ANPEP: variants seen among roughly 807,000 people sequenced by gnomAD.
ANPEP encodes aminopeptidase N.
In ANPEP, 70 loss-of-function variants were observed where a neutral mutation model predicts 114.6. The ratio of observed to expected loss-of-function variants is 0.61; its 90% CI spans 0.50 to 0.75. The LOEUF is 0.75. ANPEP is among the 30% of genes least tolerant of loss of function. The probability of loss-of-function intolerance (pLI) is 0.00; values close to 1 mark genes in which losing one functional copy is unlikely to be tolerated. For synonymous variants in ANPEP, 548 were observed against 522.3 expected, an observed-to-expected ratio of 1.05 and a Z score of -0.67; for missense variants, 1,184 against 1,259.5, an observed-to-expected ratio of 0.94 and a Z score of 0.91.
chr15:89,811,079 G>A (rs372109917), intron 1 of ANPEP, among the ~76,000 whole-genome samples: 33 of 152,204 alleles, frequency 2.2e-4, no homozygotes, highest in African/African-American at 6.5e-4. Context: ...AGGGCAACAC[G>A]TGCTTGTGGA....
chr15:89,810,923 C>G (rs1351834095), intron 1 of ANPEP, among the ~76,000 whole-genome samples: 4 of 152,262 alleles, frequency 2.6e-5, no homozygotes, highest in Non-Finnish European at 5.9e-5. Flanking sequence ...ATCCTTGGGC[C>G]TGGAAAGCTT....
At chr15:89,789,582 G>A (rs1174072900) in intron 20 of ANPEP, among the ~76,000 whole-genome samples, 1 of 151,468 alleles carries the variant, frequency 6.6e-6, no homozygotes, top group African/African-American at 2.4e-5. Flanking sequence ...AGACCAGCCT[G>A]GCCAACATGG....
chr15:89,797,912 G>C (rs1284832071), intron 14 of ANPEP, among the ~76,000 whole-genome samples, 190 bp from the exon 15 acceptor site: 1 of 152,238 alleles, frequency 6.6e-6, no homozygotes, highest in Non-Finnish European at 1.5e-5. Context: ...CTACATGGCT[G>C]CTGGGTGGTG....
chr15:89,801,196 A>G lies in ANPEP; in HGVS notation c.1743-9T>C. On this transcript the variant is annotated splice_polypyrimidine_tract_variant and intron_variant, in intron 11 of 20. Coordinates refer to ENST00000300060, the MANE Select transcript of ANPEP (RefSeq NM_001150.3). ...GCACAATCCACACGTAGCTGCAATT[A>G]AAGATCCAGAGGTGGTGAGAGATGG... 6.2e-7 allele frequency: 1 copy of G among 1,613,992 alleles called. No individual in the cohort carries two copies. Among genetic ancestry groups the G allele is most frequent in the East Asian group, 2.2e-5 (1 of 44,874 alleles).
intron 6 of ANPEP, 24 bp downstream of exon 6, chr15:89,804,229 G>T (rs772990175): frequency 8.1e-6 from 13 of 1,613,254 alleles, no homozygotes; most frequent in Non-Finnish European, 1.0e-5. Flanking sequence ...TTCCTTCTCC[G>T]CACTCCCCGA....
chr15:89,790,546 A>AGGGAGGGAGAGAGGTGAACT lies in ANPEP; in HGVS notation c.2670-25_2670-6dup. On this transcript the variant is annotated splice_region_variant and splice_polypyrimidine_tract_variant and intron_variant, in intron 19 of 20. Coordinates refer to ENST00000300060, the MANE Select transcript of ANPEP (RefSeq NM_001150.3). ...GAGAACGAGCCACCACCATAACTGC[A>AGGGAGGGAGAGAGGTGAACT]GGGAGGGAGAGAGGTGAACTGTGAG... is the stretch of plus-strand genomic sequence containing the variant. 1 of 1,612,952 alleles carries AGGGAGGGAGAGAGGTGAACT rather than the reference A, an allele frequency of 6.2e-7. No homozygotes were observed. Among genetic ancestry groups the AGGGAGGGAGAGAGGTGAACT allele is most frequent in the Non-Finnish European group, 8.5e-7 (1 of 1,179,044 alleles).
Position 89,805,318 on chromosome 15 carries a change from C to T in ANPEP, c.757+3G>A, listed in dbSNP as rs767089576. On this transcript the variant is annotated splice_donor_region_variant and intron_variant, in intron 3 of 20. Transcript: ENST00000300060. ...CCTGTGGCCGCAGGCAGGGCCCACT[C>T]ACCTTTGGGAAGCATGTTGGACAGG... 6.2e-7 allele frequency: 1 copy of T among 1,613,526 alleles called. No individual in the cohort carries two copies. Among genetic ancestry groups the T allele is most frequent in the East Asian group, 2.2e-5 (1 of 44,858 alleles).
intron 1 of ANPEP, among the ~76,000 whole-genome samples, 153 bp downstream of exon 1, chr15:89,814,619 G>T (rs1894875444): frequency 6.6e-6 from 1 of 152,172 alleles, no homozygotes; most frequent in Non-Finnish European, 1.5e-5. Flanking sequence ...CTGGCCCTCA[G>T]TTTACCCATC....
In ANPEP at chr15:89,803,161, C is replaced by A. The variant is rs368401756; in HGVS notation, c.1569+78G>T. 6 of 1,494,288 alleles carry A rather than the reference C, an allele frequency of 4.0e-6. No individual in the cohort carries two copies. The highest frequency in any genetic ancestry group is 5.6e-6 in the Non-Finnish European group (6 of 1,071,714). The allele number at this position is 1,494,288 out of a possible 1,614,324, so 92.6% of individuals were successfully genotyped here. A position where few individuals can be genotyped will look rare whatever the true frequency, so the allele number is the denominator to read the frequency against. Reference sequence around the variant, plus strand: ...CCGCGGAGCTGGACCCATTCTCTTACGCATGTGCTGCCCCCAGGTACCTTC... The same window carrying A: ...CCGCGGAGCTGGACCCATTCTCTTAAGCATGTGCTGCCCCCAGGTACCTTC... On this transcript the variant is annotated intron_variant, in intron 10 of 20. Transcript: ENST00000300060. This position sits in a 1 kb window ranked among gnomAD's most constrained non-coding sequence, Gnocchi z 4.2.
chr15:89,792,600 A>G, intron 16 of ANPEP, 38 bp from the exon 17 acceptor site: 6 of 1,571,800 alleles, frequency 3.8e-6, no homozygotes, highest in Admixed American at 1.7e-5. Flanking sequence ...ACACCTGGCG[A>G]ACTCCAGCCA....
In ANPEP at chr15:89,803,351, G is replaced by T; in HGVS notation, c.1504-47C>A. ...TGAGAGCACAGCTGGAGCCCCCCAG[G>T]CTCCCCCTCTGTGGTGGGCAGAGGC... On this transcript the variant is annotated intron_variant, in intron 9 of 20. Coordinates refer to ENST00000300060, the MANE Select transcript of ANPEP (RefSeq NM_001150.3). The surrounding 1 kb of genome is among the most constrained non-coding windows in gnomAD (Gnocchi z 4.2). 6.2e-6 allele frequency: 10 copies of T among 1,613,388 alleles called. No individual in the cohort carries two copies. The highest frequency in any genetic ancestry group is 1.3e-5 in the African/African-American group (1 of 75,030).
chr15:89,789,542 G>A (rs1033919548), intron 20 of ANPEP, among the ~76,000 whole-genome samples: 2 of 151,852 alleles, frequency 1.3e-5, no homozygotes, highest in Non-Finnish European at 2.9e-5. Context: ...GGAGACCGAG[G>A]TGGGTGGATC....
intron 1 of ANPEP, among the ~76,000 whole-genome samples, chr15:89,811,683 T>C (rs1007368841): frequency 6.6e-6 from 1 of 151,134 alleles, no homozygotes; most frequent in Admixed American, 6.6e-5. Context: ...AAGAAAAAAT[T>C]GTTCCTCTAG....
chr15:89,796,983 T>C (rs1311257809), intron 15 of ANPEP, among the ~76,000 whole-genome samples: 1 of 152,228 alleles, frequency 6.6e-6, no homozygotes, highest in Admixed American at 6.5e-5. Flanking sequence ...GGATGTAGCT[T>C]ATTCATCCAG....
intron 1 of ANPEP, among the ~76,000 whole-genome samples, chr15:89,809,113 T>C (rs963763105): frequency 6.6e-6 from 1 of 152,198 alleles, no homozygotes; most frequent in Admixed American, 6.5e-5. Context: ...GGGCTCCAGC[T>C]TGGGCGTGGT....
In ANPEP at chr15:89,805,337, G is replaced by A. The variant is rs1342590060; in HGVS notation, c.741C>T (p.Ser247=). Residue 247 remains serine, a synonymous_variant, in exon 3 of 21, where the codon TCC becomes TCT. Transcript: ENST00000300060. ...CCCACTCACCTTTGGGAAGCATGTT[G>A]GACAGGGCTGTCAGGTCCTTGGGGT... ...LIHPKDLTAL[S]NMLPKGPSTP... 1 of 1,613,948 alleles carries A rather than the reference G, an allele frequency of 6.2e-7. No homozygotes were observed.
Position 89,814,000 on chromosome 15 carries a change from G to A in ANPEP, c.-224+772C>T, listed in dbSNP as rs1029719116. On this transcript the variant is annotated intron_variant, in intron 1 of 20. Coordinates refer to ENST00000300060, the MANE Select transcript of ANPEP (RefSeq NM_001150.3). The stretch of plus-strand genomic sequence containing the variant: ...CTGCCCACCGCACTGCTGGGGGGGG[G>A]GGGTGCGTTCTGGAGTCATTTGGGG... 2.6e-3 allele frequency among the ~76,000 whole-genome samples: 395 copies of A among 151,532 alleles called. 29 individuals carry two copies. Among genetic ancestry groups the A allele is most frequent in the African/African-American group, 9.1e-3 (374 of 41,018 alleles).
intron 1 of ANPEP, among the ~76,000 whole-genome samples, chr15:89,813,999 G>GC (rs899848180): frequency 1.3e-5 from 2 of 151,132 alleles, no homozygotes; most frequent in Non-Finnish European, 2.9e-5. Context: ...GCTGGGGGGG[G>GC]GGGGTGCGTT....
rs781204161 is a variant in ANPEP, at chr15:89,804,246, G to C, written c.1179+7C>G. 24 of 1,614,132 alleles carry C rather than the reference G, an allele frequency of 1.5e-5. No homozygotes were observed. In the South Asian group the frequency reaches 1.8e-4, roughly 12 times the overall value. On this transcript the variant is annotated splice_region_variant and intron_variant, in intron 6 of 20. Coordinates refer to ENST00000300060, the MANE Select transcript of ANPEP (RefSeq NM_001150.3). Reference sequence around the variant, plus strand: ...CCTTCTCCGCACTCCCCGAGATGGGGGTCTACCTGGTGGGCCAGCTCATGA... The same window carrying C: ...CCTTCTCCGCACTCCCCGAGATGGGCGTCTACCTGGTGGGCCAGCTCATGA...
Sources: gnomAD v4.1 joint callset for allele counts (sites outside exome capture counted in the v4.1 genomes callset) on GRCh38, gnomAD v4.1.1 for gene constraint, Gnocchi (gnomAD v3.1) non-coding constraint, MANE v1.5 for transcripts, NCBI Gene and HGNC (gene_info 2026-07-23, HGNC 2026-07-21) for gene names.